TRIM26: variants seen among roughly 807,000 people sequenced by gnomAD.
TRIM26 encodes tripartite motif-containing protein 26.
In TRIM26, 16 loss-of-function variants were observed where a neutral mutation model predicts 45.5. The ratio of observed to expected loss-of-function variants is 0.35; its 90% CI spans 0.24 to 0.53. The LOEUF is 0.53. Ranked by LOEUF, TRIM26 falls within the 20% of genes least tolerant of loss-of-function variation. The probability of loss-of-function intolerance (pLI) is 0.92; values close to 1 mark genes in which losing one functional copy is unlikely to be tolerated. For missense variants in TRIM26, 442 were observed against 691.1 expected (o/e 0.64, Z 4.04); for synonymous variants, 273 against 290.4 (o/e 0.94, Z 0.61).
chr6:30,190,000 G>T lies in TRIM26; in HGVS notation c.788+13C>A. On this transcript the variant is annotated intron_variant, in intron 7 of 9. Transcript: ENST00000454678. The surrounding 1 kb of genome is among the most constrained non-coding windows in gnomAD (Gnocchi z 5.0). Reference sequence around the variant, plus strand: ...GGGGGATGAGGTACGCCATGGAGAGGAGACTCTTTTACCTGTTTAGGAAGT... The same window carrying T: ...GGGGGATGAGGTACGCCATGGAGAGTAGACTCTTTTACCTGTTTAGGAAGT... The T allele has an allele frequency of 6.2e-7, 1 of 1,612,958 alleles. No individual in the cohort carries two copies. The highest frequency in any genetic ancestry group is 8.5e-7 in the Non-Finnish European group (1 of 1,179,934).
At chr6:30,205,726 C>T (rs1208990901) in intron 1 of TRIM26, among the ~76,000 whole-genome samples, 1 of 152,142 alleles carries the variant, frequency 6.6e-6, no homozygotes, top group Non-Finnish European at 1.5e-5. Context: ...CCTATAGTTC[C>T]AGCTACTTAG....
chr6:30,200,223 A>G (rs1356362143), intron 3 of TRIM26, among the ~76,000 whole-genome samples: 1 of 152,206 alleles, frequency 6.6e-6, no homozygotes, highest in African/African-American at 2.4e-5. Context: ...TGGAGGCTAC[A>G]GTGAGCCATG....
At position 30,198,747 on chromosome 6, in the gene TRIM26, C is replaced by A. The variant is rs746211989; in HGVS notation, c.357G>T (p.Leu119=). The A allele has an allele frequency of 1.9e-6, 3 of 1,604,346 alleles. No individual in the cohort carries two copies. Among genetic ancestry groups the A allele is most frequent in the Non-Finnish European group, 1.7e-6 (2 of 1,179,964 alleles). Residue 119 remains leucine, a synonymous_variant, in exon 4 of 10, where the codon CTG becomes CTT. Transcript: ENST00000454678. The surrounding 1 kb of genome is among the most constrained non-coding windows in gnomAD (Gnocchi z 6.3). ...GGGACTCCCGGCACATCACGCACAG[C>A]AGCTTCCCGTCGTCCTCACAGTAGT... The part of the protein sequence containing the change: ...LHYYCEDDGK[L]LCVMCRESRE...
chr6:30,199,928 A>G (rs1160735557), intron 3 of TRIM26, among the ~76,000 whole-genome samples: 1 of 151,936 alleles, frequency 6.6e-6, no homozygotes, highest in Non-Finnish European at 1.5e-5. Context: ...GAGCCACTGC[A>G]CCTGGCCAAG....
chr6:30,196,393 A>T lies in TRIM26; in HGVS notation c.765+123T>A. The T allele has an allele frequency of 1.1e-6, 1 of 895,946 alleles. No individual in the cohort carries two copies. The highest frequency in any genetic ancestry group is 1.7e-6 in the Non-Finnish European group (1 of 587,284). The allele number at this position is 895,946 out of a possible 1,614,324, so 55.5% of individuals were successfully genotyped here. A position where few individuals can be genotyped will look rare whatever the true frequency, so the allele number is the denominator to read the frequency against. On this transcript the variant is annotated intron_variant, in intron 6 of 9. Transcript: ENST00000454678. The surrounding 1 kb of genome is among the most constrained non-coding windows in gnomAD (Gnocchi z 4.9). ...AGACTAATTGGCAGCAGTAAGGATTATCATCTCCATGTTTCAGATGACAAA... is the reference window on the plus strand; with the variant it reads ...AGACTAATTGGCAGCAGTAAGGATTTTCATCTCCATGTTTCAGATGACAAA...
chr6:30,206,335 C>T (rs1440141005), intron 1 of TRIM26, among the ~76,000 whole-genome samples: 1 of 152,238 alleles, frequency 6.6e-6, no homozygotes, highest in Admixed American at 6.5e-5. Context: ...TCACACTTGG[C>T]TTACTTTCCC....
At position 30,207,298 on chromosome 6, in the gene TRIM26, G is replaced by A. The variant is rs759369501; in HGVS notation, c.-375-2533C>T. Among the ~76,000 whole-genome samples, 6 of 152,306 alleles carry A rather than the reference G, an allele frequency of 3.9e-5. No homozygotes were observed. The highest frequency in any genetic ancestry group is 1.9e-4 in the East Asian group (1 of 5,188). ...AGCTAGCAGATGTTTATTAGGTGCCGACTATGTGTCAGGCACCGAGGTTAC... is the reference window on the plus strand; with the variant it reads ...AGCTAGCAGATGTTTATTAGGTGCCAACTATGTGTCAGGCACCGAGGTTAC... On this transcript the variant is annotated intron_variant, in intron 1 of 9. Coordinates refer to ENST00000454678, the MANE Select transcript of TRIM26 (RefSeq NM_003449.5). The surrounding 1 kb of genome is among the most constrained non-coding windows in gnomAD (Gnocchi z 4.9).
intron 9 of TRIM26, chr6:30,187,354 A>ATTCG (rs1775297723): frequency 3.1e-6 from 1 of 324,702 alleles, no homozygotes; most frequent in African/African-American, 2.2e-5. Context: ...GAGGGCATTC[A>ATTCG]GGCATTCGGC....
Position 30,186,351 on chromosome 6 carries a change from T to A in TRIM26, c.1145A>T (p.Asp382Val), listed in dbSNP as rs1379484260. Reference sequence around the variant, plus strand: ...TTCCTCCTCATCCCCCTCTTCTTCATCCTCAGACCAGCCCTCCCTCTCCAC... The same window carrying A: ...TTCCTCCTCATCCCCCTCTTCTTCAACCTCAGACCAGCCCTCCCTCTCCAC... Reference protein sequence around the residue: ...VEVEREGWSEDEEEGDEEEEG... With the variant: ...VEVEREGWSEVEEEGDEEEEG... The change falls in exon 10 of 10, where the codon GAT becomes GTT. Residue 382 changes from aspartate to valine, a missense_variant. Physicochemically the swap from Asp to Val is radical, Grantham distance 152 (BLOSUM62 -3). Transcript: ENST00000454678. This position sits in a 1 kb window ranked among gnomAD's most constrained non-coding sequence, Gnocchi z 7.4. 6.2e-7 allele frequency: 1 copy of A among 1,612,672 alleles called. No individual in the cohort carries two copies. Among genetic ancestry groups the A allele is most frequent in the African/African-American group, 1.3e-5 (1 of 74,900 alleles).
At chr6:30,212,216 C>T (rs928966396) in intron 1 of TRIM26, among the ~76,000 whole-genome samples, 5 of 152,212 alleles carry the variant, frequency 3.3e-5, no homozygotes, top group Non-Finnish European at 4.4e-5. Context: ...ACAACATACA[C>T]GACCAGTATT....
intron 9 of TRIM26, chr6:30,187,627 G>A (rs1177248440): frequency 3.0e-6 from 1 of 332,406 alleles, no homozygotes; most frequent in African/African-American, 2.2e-5. Context: ...TCCCATGTAA[G>A]AGAAATTTGG....
intron 1 of TRIM26, among the ~76,000 whole-genome samples, chr6:30,205,077 A>G (rs1353980284): frequency 6.6e-6 from 1 of 152,092 alleles, no homozygotes; most frequent in African/African-American, 2.4e-5. Flanking sequence ...CCCCATCTCT[A>G]CTAACAATAC....
In TRIM26 at chr6:30,186,023, G is replaced by A. The variant is rs1274503578; in HGVS notation, c.1473C>T (p.Ile491=). The change falls in exon 10 of 10, where the codon ATC becomes ATT. Residue 491 remains isoleucine (I), a synonymous_variant. Coordinates refer to ENST00000454678, the MANE Select transcript of TRIM26 (RefSeq NM_003449.5). The surrounding 1 kb of genome is among the most constrained non-coding windows in gnomAD (Gnocchi z 7.4). ...FPALRPRRVG[I]ALDYEGGTVT... is the part of the protein sequence containing the mutation. The stretch of plus-strand genomic sequence containing the variant: ...CGGTGCCCCCTTCATAATCCAGGGC[G>A]ATGCCCACTCTCCGGGGCCGCAGTG... The A allele has an allele frequency of 7.5e-6, 12 of 1,609,588 alleles. No individual in the cohort carries two copies. The highest frequency in any genetic ancestry group is 1.0e-5 in the Non-Finnish European group (12 of 1,178,440).
rs2106072 is a variant in TRIM26, at chr6:30,185,586, G to A, written c.*290C>T. On this transcript the variant is annotated 3_prime_UTR_variant, in exon 10 of 10. Transcript: ENST00000454678. The surrounding 1 kb of genome is among the most constrained non-coding windows in gnomAD (Gnocchi z 5.7). ...CCCTTATTCCAGAGAGTGCAGAGCT[G>A]GGGCCAAGGTCGTGGTCAAAAAGGA... 0.068 allele frequency: 33,131 copies of A among 486,216 alleles called. 1,761 individuals carry two copies. The highest frequency in any genetic ancestry group is 0.096 in the Non-Finnish European group (26,463 of 275,206). The allele number at this position is 486,216 out of a possible 1,614,324, so 30.1% of individuals were successfully genotyped here. A position where few individuals can be genotyped will look rare whatever the true frequency, so the allele number is the denominator to read the frequency against.
At chr6:30,187,115 G>T (rs1221009452) in intron 9 of TRIM26, 4 of 291,670 alleles carry the variant, frequency 1.4e-5, no homozygotes, top group Non-Finnish European at 2.7e-5. Context: ...TCTGTATGAT[G>T]AAGTTGCATG....
intron 2 of TRIM26, among the ~76,000 whole-genome samples, chr6:30,202,083 C>T (rs1777236096): frequency 6.6e-6 from 1 of 152,032 alleles, no homozygotes; most frequent in African/African-American, 2.4e-5. Context: ...GAAGGATAGC[C>T]TGTGTTATCT....
At chr6:30,200,676 G>A (rs908278424) in intron 3 of TRIM26, among the ~76,000 whole-genome samples, 3 of 152,176 alleles carry the variant, frequency 2.0e-5, no homozygotes, top group Non-Finnish European at 4.4e-5. Flanking sequence ...GAGGTTATGA[G>A]CCTCAGCACA....
At chr6:30,203,018 T>C (rs1199092076) in intron 2 of TRIM26, among the ~76,000 whole-genome samples, 2 of 150,958 alleles carry the variant, frequency 1.3e-5, no homozygotes, top group African/African-American at 2.4e-5. Flanking sequence ...GGGTGTTAGA[T>C]CATATTAAAA....
Position 30,212,162 on chromosome 6 carries a change from C to G in TRIM26, c.-376+1143G>C, listed in dbSNP as rs571507011. ...TCTTCCTCCCAGTTACCCATAAGCC[C>G]AGTCTTAGGAGAAAAACATCAAATT... is the stretch of plus-strand genomic sequence containing the variant. On this transcript the variant is annotated intron_variant, in intron 1 of 9. Coordinates refer to ENST00000454678, the MANE Select transcript of TRIM26 (RefSeq NM_003449.5). Among the ~76,000 whole-genome samples the G allele has an allele frequency of 1.5e-3, 232 of 152,288 alleles. 3 individuals are homozygous for G. Among genetic ancestry groups the G allele is most frequent in the Middle Eastern group, 0.01 (3 of 294 alleles).
Sources: allele counts gnomAD v4.1 joint callset (sites outside exome capture counted in the v4.1 genomes callset), GRCh38; gene constraint gnomAD v4.1.1; non-coding constraint Gnocchi (gnomAD v3.1); transcripts MANE v1.5; gene names NCBI Gene and HGNC (gene_info 2026-07-23, HGNC 2026-07-21).